Variants in GAP43 observed in about 807,000 individuals in gnomAD.
The protein encoded by GAP43 is growth associated protein 43.
GAP43 carries 6 observed loss-of-function variants against 18.6 expected under a neutral mutation model. The ratio of observed to expected loss-of-function variants is 0.32; its 90% confidence interval spans 0.18 to 0.64. The LOEUF (loss-of-function observed/expected upper bound fraction) is 0.64, where lower values mean the gene tolerates loss of function less well. Ranked by LOEUF, GAP43 falls within the 30% of genes least tolerant of loss-of-function variation. GAP43 has a pLI of 0.78. For synonymous variants in GAP43, 115 were observed against 111.4 expected (o/e 1.03, Z -0.20); for missense variants, 292 against 295.5 (o/e 0.99, Z 0.09).
intron 1 of GAP43, among the ~76,000 whole-genome samples, chr3:115,629,267 G>A (rs1167299277): frequency 3.3e-5 from 5 of 152,108 alleles, no homozygotes; most frequent in Non-Finnish European, 5.9e-5. Context: ...AGTTTACCTT[G>A]CAAATAACAC....
At chr3:115,627,127 T>C (rs1370440320) in intron 1 of GAP43, among the ~76,000 whole-genome samples, 1 of 95,902 alleles carries the variant, frequency 1.0e-5, no homozygotes, top group African/African-American at 4.0e-5. Flanking sequence ...TCTTTCTTTT[T>C]TCTTTCTTTT....
intron 1 of GAP43, among the ~76,000 whole-genome samples, chr3:115,639,597 G>A (rs918939992): frequency 2.0e-5 from 3 of 152,124 alleles, no homozygotes; most frequent in East Asian, 3.9e-4. Flanking sequence ...GTACAATAAC[G>A]CTTAGTTGTT....
intron 1 of GAP43, among the ~76,000 whole-genome samples, chr3:115,627,159 T>C (rs1165719710): frequency 2.7e-5 from 4 of 147,432 alleles, no homozygotes; most frequent in Non-Finnish European, 4.5e-5. Context: ...TGCCAAATTA[T>C]CTGGACTTGC....
intron 1 of GAP43, among the ~76,000 whole-genome samples, chr3:115,631,463 A>G (rs1050462942): frequency 2.0e-5 from 3 of 152,222 alleles, no homozygotes; most frequent in Admixed American, 6.5e-5. Flanking sequence ...TTTTGCAAAC[A>G]ATGTGTTTTT....
At chr3:115,705,712 G>A (rs1181873312) in intron 2 of GAP43, among the ~76,000 whole-genome samples, 1 of 152,100 alleles carries the variant, frequency 6.6e-6, no homozygotes, top group East Asian at 1.9e-4. Flanking sequence ...AGAAGGAAAA[G>A]CTAAGAAAGT....
chr3:115,694,579 T>G (rs750851848), intron 2 of GAP43, among the ~76,000 whole-genome samples: 4 of 152,226 alleles, frequency 2.6e-5, no homozygotes, highest in African/African-American at 7.2e-5. Flanking sequence ...TTCACAATGA[T>G]CCTATGATGA....
At chr3:115,636,212 C>G (rs774076591) in intron 1 of GAP43, among the ~76,000 whole-genome samples, 36 of 152,054 alleles carry the variant, frequency 2.4e-4, no homozygotes, top group Non-Finnish European at 4.3e-4. Context: ...TAACTATCTT[C>G]TTTGCAAATT....
intron 1 of GAP43, among the ~76,000 whole-genome samples, chr3:115,659,948 C>T (rs1311088220): frequency 6.6e-6 from 1 of 152,220 alleles, no homozygotes; most frequent in African/African-American, 2.4e-5. Flanking sequence ...ATTTTCAACA[C>T]AGCTAAAAAC....
chr3:115,712,906 C>T (rs1709459094), intron 2 of GAP43, among the ~76,000 whole-genome samples: 2 of 152,168 alleles, frequency 1.3e-5, no homozygotes, highest in African/African-American at 4.8e-5. Flanking sequence ...AGGTTATTCT[C>T]TCTTTTAAGT....
At chr3:115,673,807 C>G (rs954961674) in intron 1 of GAP43, among the ~76,000 whole-genome samples, 1 of 152,134 alleles carries the variant, frequency 6.6e-6, no homozygotes. Flanking sequence ...AAGGATGGGC[C>G]TCTCCAAAGT....
chr3:115,665,689 T>G (rs1708723663), intron 1 of GAP43, among the ~76,000 whole-genome samples: 1 of 152,168 alleles, frequency 6.6e-6, no homozygotes, highest in Admixed American at 6.6e-5. Flanking sequence ...GTATTGTGTA[T>G]CCTTACTAGA....
chr3:115,688,187 T>A (rs149254786), intron 2 of GAP43, among the ~76,000 whole-genome samples: 2,832 of 152,096 alleles, frequency 0.019, 47 homozygotes, highest in Middle Eastern at 0.031. Context: ...CAGCTAATTT[T>A]TTGGATTTTT....
chr3:115,706,879 C>T (rs181475914), intron 2 of GAP43, among the ~76,000 whole-genome samples: 4 of 152,272 alleles, frequency 2.6e-5, no homozygotes, highest in Non-Finnish European at 5.9e-5. Flanking sequence ...TTGAAGATAA[C>T]TCATTTATTA....
intron 1 of GAP43, among the ~76,000 whole-genome samples, chr3:115,657,214 T>A (rs1259173206): frequency 2.6e-5 from 4 of 151,962 alleles, no homozygotes; most frequent in African/African-American, 4.8e-5. Flanking sequence ...AAAGAGGAAA[T>A]GAGTGGCTTA....
intron 2 of GAP43, among the ~76,000 whole-genome samples, chr3:115,720,003 G>A (rs1438636): frequency 0.99 from 150,739 of 152,342 alleles, 74,604 homozygotes; most frequent in East Asian, 1. Context: ...TACTTTCCCT[G>A]TGGATAAGTG....
At chr3:115,667,157 C>A (rs751674064) in intron 1 of GAP43, among the ~76,000 whole-genome samples, 11 of 152,094 alleles carry the variant, frequency 7.2e-5, no homozygotes, top group Admixed American at 1.3e-4. Flanking sequence ...TATGTGCCAG[C>A]ACTATTTTAG....
At chr3:115,710,763 T>G (rs1028113403) in intron 2 of GAP43, among the ~76,000 whole-genome samples, 3 of 152,204 alleles carry the variant, frequency 2.0e-5, no homozygotes, top group African/African-American at 7.2e-5. Flanking sequence ...ATAATAAAAT[T>G]CTGTTAAAAA....
rs562270851 is a variant in GAP43 at position 115,686,503 on chromosome 3, A to G, written c.628+9893A>G. Among the ~76,000 whole-genome samples, 4 of 152,296 alleles carry G rather than the reference A, an allele frequency of 2.6e-5. No homozygotes were observed. The South Asian group carries it at 8.3e-4, about 32-fold the overall frequency. ...GATCTGAGCTGTATCTTTTTAATGC[A>G]TTGAAAGGCTTTTCATCTTTTTTTA... is the stretch of plus-strand genomic sequence containing the variant. On this transcript the variant is annotated intron_variant, in intron 2 of 2. Transcript: ENST00000305124.
At position 115,676,323 on chromosome 3, in the gene GAP43, G is replaced by A. The variant is rs759423785; in HGVS notation, c.341G>A (p.Gly114Glu). Residue 114 changes from glycine (G) to glutamate (E), a missense_variant, in exon 2 of 3, where the codon GGG (glycine) becomes GAG (glutamate). Coordinates refer to ENST00000305124, the MANE Select transcript of GAP43 (RefSeq NM_002045.4). The stretch of plus-strand genomic sequence containing the variant: ...GAAACTCCTTCCGAGGAGAAGAAGG[G>A]GGAGGGTGATGCTGCCACAGAGCAG... ...AGETPSEEKK[G>E]EGDAATEQAA... 1 of 1,614,140 alleles carries A rather than the reference G, an allele frequency of 6.2e-7. No homozygotes were observed. The highest frequency in any genetic ancestry group is 8.5e-7 in the Non-Finnish European group (1 of 1,180,010).
Sources: gnomAD v4.1 joint callset for allele counts (sites outside exome capture counted in the v4.1 genomes callset) on GRCh38, gnomAD v4.1.1 for gene constraint, MANE v1.5 for transcripts, NCBI Gene and HGNC (gene_info 2026-07-23, HGNC 2026-07-21) for gene names.